Variants in GRID1 observed in about 807,000 individuals in gnomAD.
GRID1 encodes glutamate ionotropic receptor delta type subunit 1, also known as glutamate receptor ionotropic, delta-1.
Under a neutral mutation model 98.0 loss-of-function variants are expected in GRID1, and 28 were observed. The ratio of observed to expected loss-of-function variants is 0.29; its 90% CI spans 0.21 to 0.39. GRID1 has a LOEUF of 0.39. Among genes scored for constraint, GRID1 ranks in the 10% least tolerant of loss-of-function variants. GRID1 has a pLI of 1.00. For missense variants in GRID1, 1,111 were observed against 1,340.5 expected (o/e 0.83, Z 2.67); for synonymous variants, 553 against 538.5 (o/e 1.03, Z -0.37).
At chr10:86,230,559 C>G (rs116145514) in intron 2 of GRID1, among the ~76,000 whole-genome samples, 4,504 of 152,282 alleles carry the variant, frequency 0.03, 237 homozygotes, top group African/African-American at 0.1. Flanking sequence ...GAGCCTGGAG[C>G]GAGGAAACAT....
At position 86,206,571 on chromosome 10, in the gene GRID1, G is replaced by A; in HGVS notation, c.313C>T (p.Leu105Phe). 6.2e-7 allele frequency: 1 copy of A among 1,614,216 alleles called. No individual in the cohort carries two copies. Among genetic ancestry groups the A allele is most frequent in the Non-Finnish European group, 8.5e-7 (1 of 1,180,036 alleles). Reference protein sequence around the residue: ...GCASANALQSLTDAMHIPHLF... With the variant: ...GCASANALQSFTDAMHIPHLF... ...TGTGGGATGTGCATGGCATCCGTGA[G>A]GGACTGCAGGGCATTGGCAGATGCA... Residue 105 changes from leucine (L) to phenylalanine (F), a missense_variant, in exon 3 of 16, where the codon CTC becomes TTC. By Grantham distance (22) the Leu-to-Phe change is conservative. Coordinates refer to ENST00000327946, the MANE Select transcript of GRID1 (RefSeq NM_017551.3). This position sits in a 1 kb window ranked among gnomAD's most constrained non-coding sequence, Gnocchi z 4.1.
At chr10:86,271,213 C>T (rs1383691215) in intron 2 of GRID1, among the ~76,000 whole-genome samples, 1 of 152,216 alleles carries the variant, frequency 6.6e-6, no homozygotes, top group Non-Finnish European at 1.5e-5. Flanking sequence ...ATTCACAGGA[C>T]ATTGGGTAGA....
At chr10:86,281,671 T>G (rs1847358600) in intron 2 of GRID1, among the ~76,000 whole-genome samples, 1 of 152,142 alleles carries the variant, frequency 6.6e-6, no homozygotes, top group South Asian at 2.1e-4. Context: ...ACCCATGGCC[T>G]GAGGCCTAGG....
chr10:85,741,501 C>G (rs1185981752), intron 8 of GRID1, among the ~76,000 whole-genome samples: 2 of 152,166 alleles, frequency 1.3e-5, no homozygotes, highest in Admixed American at 6.6e-5. Context: ...TGACAAGAGT[C>G]CCAGAAGAAC....
intron 10 of GRID1, among the ~76,000 whole-genome samples, chr10:85,726,981 G>A (rs1841767749): frequency 6.6e-6 from 1 of 152,184 alleles, no homozygotes; most frequent in African/African-American, 2.4e-5. Context: ...GACAAGCCTA[G>A]TGTCTGCCTT....
At chr10:86,024,399 G>C (rs186054835) in intron 4 of GRID1, among the ~76,000 whole-genome samples, 1 of 152,132 alleles carries the variant, frequency 6.6e-6, no homozygotes, top group Non-Finnish European at 1.5e-5. Context: ...CCTCTCTGTC[G>C]CTCTCATCTG....
At chr10:85,930,381 T>C (rs543828983) in intron 4 of GRID1, among the ~76,000 whole-genome samples, 87 of 150,318 alleles carry the variant, frequency 5.8e-4, no homozygotes, top group African/African-American at 2.1e-3. Context: ...TTTATAGTTA[T>C]TTATTTGTAG....
chr10:85,674,176 T>C (rs1004589577), intron 12 of GRID1, among the ~76,000 whole-genome samples: 1 of 152,232 alleles, frequency 6.6e-6, no homozygotes, highest in Admixed American at 6.5e-5. Flanking sequence ...TGCTTTTCTC[T>C]CTGGGCTTCT....
chr10:86,231,569 A>G (rs1342032373), intron 2 of GRID1, among the ~76,000 whole-genome samples: 1 of 152,124 alleles, frequency 6.6e-6, no homozygotes, highest in Non-Finnish European at 1.5e-5. Flanking sequence ...GAGACAGCAA[A>G]AGCTTTGGAT....
chr10:85,667,395 T>A (rs577676359), intron 12 of GRID1, among the ~76,000 whole-genome samples: 2 of 151,344 alleles, frequency 1.3e-5, no homozygotes, highest in African/African-American at 4.9e-5. Flanking sequence ...TAGGCTGTTT[T>A]AAAAAAAAAG....
chr10:85,863,843 G>C (rs971791788), intron 6 of GRID1, among the ~76,000 whole-genome samples: 2 of 152,188 alleles, frequency 1.3e-5, no homozygotes, highest in African/African-American at 4.8e-5. Context: ...TTCCAGCCTA[G>C]TATTTGTTAT....
chr10:85,771,175 C>A (rs1842262007), intron 8 of GRID1, among the ~76,000 whole-genome samples: 1 of 152,204 alleles, frequency 6.6e-6, no homozygotes, highest in Non-Finnish European at 1.5e-5. Flanking sequence ...ATTCAACACT[C>A]TTAAGGAAAA....
At position 85,602,491 on chromosome 10, in the gene GRID1, C is replaced by T. The variant is rs570553519; in HGVS notation, c.2812G>A (p.Gly938Ser). ...STFLPEQSSHGTSRTLSSGPS... is the reference protein window; with the variant it reads ...STFLPEQSSHSTSRTLSSGPS... ...CCTGATGAGAGTGTCCGGCTGGTGCCATGGCTGCTCTGCTCTGGCAGAAAG... is the reference window on the plus strand; with the variant it reads ...CCTGATGAGAGTGTCCGGCTGGTGCTATGGCTGCTCTGCTCTGGCAGAAAG... The change falls in exon 16 of 16, where the codon GGC becomes AGC. Residue 938 changes from glycine (G) to serine (S), a missense_variant. Gly to Ser is a moderately conservative substitution (Grantham distance 56). Around this residue, in one of 3 missense-constraint regions of GRID1, gnomAD observed 762 missense variants for 869.1 expected, o/e 0.88. Transcript: ENST00000327946. 2 of 1,614,140 alleles carry T rather than the reference C, an allele frequency of 1.2e-6. No homozygotes were observed. Among genetic ancestry groups the T allele is most frequent in the African/African-American group, 2.7e-5 (2 of 75,050 alleles).
At chr10:85,935,845 A>G (rs1841918600) in intron 4 of GRID1, among the ~76,000 whole-genome samples, 1 of 152,300 alleles carries the variant, frequency 6.6e-6, no homozygotes, top group Middle Eastern at 3.4e-3. Flanking sequence ...CTAAATTTCA[A>G]CCTGGCAATC....
intron 4 of GRID1, among the ~76,000 whole-genome samples, chr10:86,123,264 G>A (rs542817359): frequency 7.9e-5 from 12 of 152,328 alleles, no homozygotes; most frequent in Middle Eastern, 3.4e-3. Flanking sequence ...AGGGAACAGA[G>A]GGCAGAGGGC....
chr10:85,865,152 T>C (rs1843202663), intron 6 of GRID1, among the ~76,000 whole-genome samples: 1 of 152,094 alleles, frequency 6.6e-6, no homozygotes, highest in Non-Finnish European at 1.5e-5. Flanking sequence ...CTAAACTAAC[T>C]TGTCAAGGAA....
chr10:86,290,340 A>G (rs1264450363), intron 2 of GRID1, among the ~76,000 whole-genome samples: 3 of 152,324 alleles, frequency 2.0e-5, no homozygotes, highest in Non-Finnish European at 4.4e-5. Flanking sequence ...AGGACACATC[A>G]AAGCCATCAT....
chr10:85,993,317 T>G (rs995402196), intron 4 of GRID1, among the ~76,000 whole-genome samples: 1 of 152,168 alleles, frequency 6.6e-6, no homozygotes, highest in African/African-American at 2.4e-5. Flanking sequence ...CTGGCAGATG[T>G]GTAGTGGGGA....
intron 12 of GRID1, among the ~76,000 whole-genome samples, chr10:85,674,462 G>A (rs73326678): frequency 1.1e-3 from 168 of 152,270 alleles, no homozygotes; most frequent in African/African-American, 3.7e-3. Flanking sequence ...GATTAGAAAA[G>A]CTTATATTAT....
Sources: gnomAD v4.1 joint callset for allele counts (sites outside exome capture counted in the v4.1 genomes callset) on GRCh38, gnomAD v4.1.1 for gene constraint, gnomAD v4.1.1 regional missense constraint, Gnocchi (gnomAD v3.1) non-coding constraint, MANE v1.5 for transcripts, NCBI Gene and HGNC (gene_info 2026-07-23, HGNC 2026-07-21) for gene names.